Variants in MYO3B observed in about 807,000 individuals in gnomAD.
MYO3B encodes myosin IIIB, also known as myosin-IIIb.
Under a neutral mutation model 174.6 loss-of-function variants are expected in MYO3B, and 156 were observed. The ratio of observed to expected loss-of-function variants is 0.89; its 90% CI spans 0.78 to 1.02. The LOEUF (loss-of-function observed/expected upper bound fraction) is 1.02, where lower values mean the gene tolerates loss of function less well. MYO3B is among the 50% of genes least tolerant of loss of function. The probability of loss-of-function intolerance (pLI) is 0.00; values close to 1 mark genes in which losing one functional copy is unlikely to be tolerated. For missense variants in MYO3B, 1,632 were observed against 1,639.4 expected (o/e 1.00, Z 0.08); for synonymous variants, 563 against 569.1 (o/e 0.99, Z 0.15).
chr2:170,486,640 G>C (rs1686085052), intron 25 of MYO3B, among the ~76,000 whole-genome samples: 3 of 152,192 alleles, frequency 2.0e-5, no homozygotes, highest in African/African-American at 7.2e-5. Context: ...AGTCAACCTA[G>C]AATCTTTGTT....
At chr2:170,488,772 G>A (rs1171235785) in intron 25 of MYO3B, among the ~76,000 whole-genome samples, 1 of 152,146 alleles carries the variant, frequency 6.6e-6, no homozygotes, top group Non-Finnish European at 1.5e-5. Context: ...TTGCAAAATG[G>A]CTCAAAGGGG....
At chr2:170,432,698 T>A (rs1287730521) in intron 22 of MYO3B, among the ~76,000 whole-genome samples, 1 of 151,910 alleles carries the variant, frequency 6.6e-6, no homozygotes, top group East Asian at 1.9e-4. Flanking sequence ...TGCGTCAGCC[T>A]CCCAAGTAGT....
chr2:170,556,068 C>T (rs1251817356), intron 32 of MYO3B, among the ~76,000 whole-genome samples: 2 of 151,846 alleles, frequency 1.3e-5, no homozygotes, highest in Non-Finnish European at 2.9e-5. Context: ...TAATAGCACA[C>T]GCCTGTAATC....
chr2:170,639,791 C>T (rs1035239835), intron 32 of MYO3B, among the ~76,000 whole-genome samples: 3 of 152,158 alleles, frequency 2.0e-5, no homozygotes, highest in African/African-American at 2.4e-5. Flanking sequence ...CAGAAGAGCA[C>T]TGAACAGCAC....
At chr2:170,580,192 TTAA>T (rs150333245) in intron 32 of MYO3B, among the ~76,000 whole-genome samples, 6,409 of 152,328 alleles carry the variant, frequency 0.042, 177 homozygotes, top group Non-Finnish European at 0.065. Context: ...TGTCTAATAG[TTAA>T]TAATATCACA....
At chr2:170,628,938 T>C (rs1696702087) in intron 32 of MYO3B, among the ~76,000 whole-genome samples, 1 of 152,128 alleles carries the variant, frequency 6.6e-6, no homozygotes, top group Non-Finnish European at 1.5e-5. Context: ...AGTGTCATGT[T>C]TATGTAGGCA....
At chr2:170,455,893 G>A (rs1683880403) in intron 23 of MYO3B, among the ~76,000 whole-genome samples, 1 of 152,168 alleles carries the variant, frequency 6.6e-6, no homozygotes, top group Non-Finnish European at 1.5e-5. Flanking sequence ...AAGTATACTG[G>A]GTTAGACAGA....
At chr2:170,220,583 T>G (rs1248849958) in intron 6 of MYO3B, among the ~76,000 whole-genome samples, 1 of 140,908 alleles carries the variant, frequency 7.1e-6, no homozygotes. Flanking sequence ...GAGCCAAGAT[T>G]GCACCACTGC....
In MYO3B at chr2:170,485,416, C is replaced by G. The variant is rs897429286; in HGVS notation, c.3015-13176C>G. Among the ~76,000 whole-genome samples, 260 of 129,274 alleles carry G rather than the reference C, an allele frequency of 2.0e-3. 1 individual carries two copies. Among genetic ancestry groups the G allele is most frequent in the Middle Eastern group, 3.8e-3 (1 of 260 alleles). The allele number at this position is 129,274 out of a possible 152,430, so 84.8% of individuals were successfully genotyped here. ...ACACACACACACACACACACACACA[C>G]ACACAGAGAGAGAGAGAGAGAGAGA... On this transcript the variant is annotated intron_variant, in intron 25 of 34. Transcript: ENST00000408978.
chr2:170,622,659 G>C (rs529817056), intron 32 of MYO3B, among the ~76,000 whole-genome samples: 4 of 152,048 alleles, frequency 2.6e-5, no homozygotes, highest in Admixed American at 6.5e-5. Context: ...TGCCATGTTG[G>C]TTTGCTGCAC....
chr2:170,629,147 G>C lies in MYO3B; in HGVS notation c.3734-22481G>C, dbSNP rs919387832. On this transcript the variant is annotated intron_variant, in intron 32 of 34. Coordinates refer to ENST00000408978, the MANE Select transcript of MYO3B (RefSeq NM_138995.5). Reference sequence around the variant, plus strand: ...CCGATTAATACACTGTCTCAGACAGGCTGGCCAGTATGGGCATAAACTGTC... The same window carrying C: ...CCGATTAATACACTGTCTCAGACAGCCTGGCCAGTATGGGCATAAACTGTC... 2.0e-5 allele frequency among the ~76,000 whole-genome samples: 3 copies of C among 152,330 alleles called. No individual in the cohort carries two copies. In the South Asian group the frequency reaches 6.2e-4, roughly 32 times the overall value.
At chr2:170,289,612 AG>A (rs2093582309) in intron 7 of MYO3B, among the ~76,000 whole-genome samples, 1 of 151,770 alleles carries the variant, frequency 6.6e-6, no homozygotes, top group Admixed American at 6.6e-5. Flanking sequence ...TTCTTAGTCT[AG>A]CTAAAGGTTT....
chr2:170,568,354 G>A (rs1011704463), intron 32 of MYO3B, among the ~76,000 whole-genome samples: 57 of 152,334 alleles, frequency 3.7e-4, no homozygotes, highest in African/African-American at 1.2e-3. Flanking sequence ...GGGACTTCCC[G>A]TCTGGGCTTT....
At chr2:170,512,604 T>G (rs1303359122) in intron 28 of MYO3B, among the ~76,000 whole-genome samples, 2 of 152,184 alleles carry the variant, frequency 1.3e-5, no homozygotes, top group Non-Finnish European at 2.9e-5. Flanking sequence ...GTCCTTTGGG[T>G]GGGTCACTAA....
chr2:170,225,573 G>A (rs1459896610), intron 6 of MYO3B, among the ~76,000 whole-genome samples: 2 of 152,164 alleles, frequency 1.3e-5, no homozygotes, highest in African/African-American at 2.4e-5. Context: ...ATTGAATTTA[G>A]GAGATTTACA....
At chr2:170,250,640 G>GT (rs2093241822) in intron 7 of MYO3B, among the ~76,000 whole-genome samples, 1 of 152,160 alleles carries the variant, frequency 6.6e-6, no homozygotes, top group African/African-American at 2.4e-5. Context: ...TTTTGCAAGG[G>GT]TAGAGGGCCA....
At position 170,217,394 on chromosome 2, in the gene MYO3B, A is replaced by C. The variant is rs2092842319; in HGVS notation, c.602A>C (p.Glu201Ala). The change falls in exon 6 of 35, where the codon GAG (glutamate) becomes GCG (alanine). Residue 201 changes from glutamate to alanine, a missense_variant and splice_region_variant. By Grantham distance (107) the Glu-to-Ala change is moderately radical. Transcript: ENST00000408978. ...SVGTPFWMAP[E>A]VIACEQQYDS... is the part of the protein sequence containing the mutation. ...GGCACCCCGTTCTGGATGGCCCCTGAGGTAAGCTGGAAATACCTAGTTCTT... is the reference window on the plus strand; with the variant it reads ...GGCACCCCGTTCTGGATGGCCCCTGCGGTAAGCTGGAAATACCTAGTTCTT... The C allele has an allele frequency of 3.1e-6, 5 of 1,613,364 alleles. No homozygotes were observed. The South Asian group carries it at 5.5e-5, about 18-fold the overall frequency.
chr2:170,181,577 C>G (rs939565647), intron 1 of MYO3B, among the ~76,000 whole-genome samples: 1 of 152,092 alleles, frequency 6.6e-6, no homozygotes, highest in Admixed American at 6.6e-5. Context: ...TCCTAGATTC[C>G]TGTATCAGAT....
At position 170,542,526 on chromosome 2, in the gene MYO3B, G is replaced by A. The variant is rs4668272; in HGVS notation, c.3576-380G>A. On this transcript the variant is annotated intron_variant, in intron 30 of 34. Transcript: ENST00000408978. The stretch of plus-strand genomic sequence containing the variant: ...TACTTGATTACGGAATCCATTTTAA[G>A]TTCTGTAACTGTGAATGTGATTCAT... Among the ~76,000 whole-genome samples the A allele has an allele frequency of 0.041, 6,256 of 152,268 alleles. 857 individuals carry two copies. In the East Asian group the frequency reaches 0.53, roughly 13 times the overall value.
Sources: allele counts gnomAD v4.1 joint callset (sites outside exome capture counted in the v4.1 genomes callset), GRCh38; gene constraint gnomAD v4.1.1; transcripts MANE v1.5; gene names NCBI Gene and HGNC (gene_info 2026-07-23, HGNC 2026-07-21).